Variants in MAGI2 observed in about 807,000 individuals in gnomAD.
The protein encoded by MAGI2 is membrane associated guanylate kinase, WW and PDZ domain containing 2.
A neutral mutation model predicts 133.3 loss-of-function variants in MAGI2; 35 were observed. The observed-to-expected ratio is 0.26, with a 90% CI of 0.20 to 0.35. The LOEUF (loss-of-function observed/expected upper bound fraction) is 0.35, where lower values mean the gene tolerates loss of function less well. MAGI2 is among the 10% of genes least tolerant of loss of function. MAGI2 has a pLI of 1.00. For missense variants in MAGI2, 1,636 were observed against 1,863.4 expected (o/e 0.88, Z 2.25); for synonymous variants, 729 against 710.6 (o/e 1.03, Z -0.41).
chr7:78,781,951 C>T (rs1008624242), intron 2 of MAGI2, among the ~76,000 whole-genome samples: 2 of 152,134 alleles, frequency 1.3e-5, no homozygotes, highest in Non-Finnish European at 2.9e-5. Flanking sequence ...GAAGTTCCTA[C>T]GTAATTCTTT....
chr7:79,138,445 T>C (rs773690701), intron 1 of MAGI2, among the ~76,000 whole-genome samples: 18 of 152,308 alleles, frequency 1.2e-4, no homozygotes, highest in Non-Finnish European at 2.4e-4. Context: ...ATTATTTTCA[T>C]AAAATTTATC....
At chr7:78,022,842 C>T (rs1459630784) in intron 21 of MAGI2, among the ~76,000 whole-genome samples, 1 of 152,194 alleles carries the variant, frequency 6.6e-6, no homozygotes, top group Admixed American at 6.5e-5. Context: ...AAATTATTCA[C>T]AAATTCAAAG....
intron 2 of MAGI2, among the ~76,000 whole-genome samples, chr7:78,888,619 G>A (rs1385652383): frequency 6.6e-6 from 1 of 152,122 alleles, no homozygotes; most frequent in Admixed American, 6.6e-5. Context: ...ATGCAAACAG[G>A]GTCTGGAGTG....
chr7:78,977,999 C>T (rs1223634915), intron 2 of MAGI2, among the ~76,000 whole-genome samples: 2 of 151,516 alleles, frequency 1.3e-5, no homozygotes, highest in Admixed American at 1.3e-4. Flanking sequence ...ATTAGAATGG[C>T]TAAAATTCAA....
At chr7:78,220,757 G>A (rs1788745114) in intron 10 of MAGI2, among the ~76,000 whole-genome samples, 1 of 152,104 alleles carries the variant, frequency 6.6e-6, no homozygotes. Context: ...GGTGGAAGCG[G>A]AGCAATTTAA....
chr7:79,263,533 A>G (rs1834223612), intron 1 of MAGI2, among the ~76,000 whole-genome samples: 1 of 152,126 alleles, frequency 6.6e-6, no homozygotes, highest in African/African-American at 2.4e-5. Flanking sequence ...ATTCAAATAA[A>G]ATAACTCCCC....
chr7:78,028,747 C>T (rs780905578), intron 21 of MAGI2, among the ~76,000 whole-genome samples: 7 of 148,232 alleles, frequency 4.7e-5, no homozygotes, highest in Middle Eastern at 3.6e-3. Flanking sequence ...CCCAGCTACT[C>T]GGGAGGCAGG....
intron 21 of MAGI2, among the ~76,000 whole-genome samples, chr7:78,049,476 T>A (rs926631626): frequency 6.6e-6 from 1 of 152,234 alleles, no homozygotes; most frequent in Non-Finnish European, 1.5e-5. Context: ...CCATTCCGCT[T>A]AATTCCTCTC....
chr7:78,044,268 A>T (rs1584928271), intron 21 of MAGI2, among the ~76,000 whole-genome samples: 1 of 152,200 alleles, frequency 6.6e-6, no homozygotes, highest in Non-Finnish European at 1.5e-5. Context: ...TGGCTGCTTT[A>T]ACTAATAGAG....
At chr7:79,121,700 CTT>C (rs1819920418) in intron 1 of MAGI2, among the ~76,000 whole-genome samples, 1 of 152,094 alleles carries the variant, frequency 6.6e-6, no homozygotes, top group African/African-American at 2.4e-5. Context: ...ACAGTTCTCT[CTT>C]TTAATACTCA....
intron 7 of MAGI2, chr7:78,348,497 C>T (rs1325933832): frequency 2.0e-5 from 3 of 151,908 alleles, no homozygotes; most frequent in Non-Finnish European, 4.4e-5. Flanking sequence ...GATGTTTTTC[C>T]TATCTCTCCT....
chr7:78,158,036 C>CTTTTAT (rs1004964665), intron 16 of MAGI2, among the ~76,000 whole-genome samples: 19 of 152,220 alleles, frequency 1.2e-4, no homozygotes, highest in South Asian at 2.1e-4. Context: ...TTCTTTCTTT[C>CTTTTAT]TTTTATTTTT....
intron 6 of MAGI2, among the ~76,000 whole-genome samples, chr7:78,418,879 G>A (rs1798541626): frequency 6.6e-6 from 1 of 152,172 alleles, no homozygotes; most frequent in Admixed American, 6.6e-5. Context: ...TATAGGAATA[G>A]TAATAGTTGT....
intron 2 of MAGI2, among the ~76,000 whole-genome samples, chr7:78,880,475 TA>T (rs1795762191): frequency 1.3e-5 from 2 of 152,140 alleles, no homozygotes; most frequent in Admixed American, 6.5e-5. Context: ...CCCCCCAAAC[TA>T]AGCTTTGTAA....
intron 2 of MAGI2, among the ~76,000 whole-genome samples, chr7:78,918,592 T>C (rs527267914): frequency 8.2e-4 from 125 of 152,242 alleles, no homozygotes; most frequent in African/African-American, 2.7e-3. Context: ...TTAGATAAAA[T>C]AGAGAACCAA....
intron 1 of MAGI2, among the ~76,000 whole-genome samples, chr7:79,254,670 C>T (rs1228978708): frequency 6.6e-6 from 1 of 152,160 alleles, no homozygotes; most frequent in Non-Finnish European, 1.5e-5. Flanking sequence ...AAATATATTT[C>T]TGGGCCTCTA....
intron 3 of MAGI2, among the ~76,000 whole-genome samples, chr7:78,562,421 A>G (rs1014120820): frequency 1.3e-5 from 2 of 152,200 alleles, no homozygotes; most frequent in African/African-American, 4.8e-5. Context: ...TTTGCTGCTC[A>G]TGTGCCATTT....
intron 2 of MAGI2, among the ~76,000 whole-genome samples, chr7:78,660,955 G>T (rs921818827): frequency 4.6e-5 from 7 of 152,008 alleles, no homozygotes; most frequent in Admixed American, 3.3e-4. Context: ...AACACCCAAG[G>T]GTTCTGAGAA....
chr7:78,299,603 T>C (rs1199472697), intron 9 of MAGI2, among the ~76,000 whole-genome samples: 1 of 152,150 alleles, frequency 6.6e-6, no homozygotes, highest in African/African-American at 2.4e-5. Context: ...CTATTCTGTT[T>C]TCCAACTTTT....
Sources: allele counts gnomAD v4.1 joint callset (sites outside exome capture counted in the v4.1 genomes callset), GRCh38; gene constraint gnomAD v4.1.1; transcripts MANE v1.5; gene names NCBI Gene and HGNC (gene_info 2026-07-23, HGNC 2026-07-21).